The following FAM149A variants were observed in gnomAD, a reference collection of about 807,000 sequenced individuals.
The protein encoded by FAM149A is family with sequence similarity 149 member A, also known as protein FAM149A.
A neutral mutation model predicts 78.2 loss-of-function variants in FAM149A; 71 were observed. The ratio of observed to expected loss-of-function variants is 0.91; its 90% CI spans 0.75 to 1.11. FAM149A has a LOEUF of 1.11. Among genes scored for constraint, FAM149A ranks in the 50% least tolerant of loss-of-function variants. FAM149A has a pLI of 0.00. For missense variants in FAM149A, 1,036 were observed against 971.0 expected, an observed-to-expected ratio of 1.07 and a Z score of -0.89; for synonymous variants, 446 against 410.5, an observed-to-expected ratio of 1.09 and a Z score of -1.04.
Position 186,118,779 on chromosome 4 carries a change from C to T in FAM149A, c.566+13137C>T, listed in dbSNP as rs915915437. ...TGGAGTTGAGGGTGTGCCCGGTTCA[C>T]GGTGTCTTTGAGCGCTGCGGTCATC... On this transcript the variant is annotated intron_variant, in intron 1 of 13. Coordinates refer to ENST00000389354, the MANE Select transcript of FAM149A (RefSeq NM_001367768.3). Among the ~76,000 whole-genome samples, 5 of 152,182 alleles carry T rather than the reference C, an allele frequency of 3.3e-5. No homozygotes were observed. The South Asian group carries it at 6.2e-4, about 19-fold the overall frequency.
At chr4:186,130,547 T>C (rs1032222977) in intron 1 of FAM149A, among the ~76,000 whole-genome samples, 30 of 150,840 alleles carry the variant, frequency 2.0e-4, no homozygotes, top group African/African-American at 6.8e-4. Flanking sequence ...TCTGTAGATA[T>C]GGGGTTTTGC....
chr4:186,165,411 G>A lies in FAM149A; in HGVS notation c.1957G>A (p.Val653Ile). ...GTCACGGAGCAGGTTCCCCCCGCTAGTCACGGAGACCAGGGGGCAGAATAC... is the reference window on the plus strand; with the variant it reads ...GTCACGGAGCAGGTTCCCCCCGCTAATCACGGAGACCAGGGGGCAGAATAC... The change falls in exon 11 of 14, where the codon GTC (valine) becomes ATC (isoleucine). Residue 653 changes from valine (V) to isoleucine (I), a missense_variant. Val to Ile is a conservative substitution (Grantham distance 29, BLOSUM62 3). Coordinates refer to ENST00000389354, the MANE Select transcript of FAM149A (RefSeq NM_001367768.3). The A allele has an allele frequency of 6.2e-7, 1 of 1,614,176 alleles. No homozygotes were observed. Among genetic ancestry groups the A allele is most frequent in the Non-Finnish European group, 8.5e-7 (1 of 1,179,986 alleles).
In FAM149A at chr4:186,165,400, TC is replaced by T; in HGVS notation, c.1952del (p.Pro651ArgfsTer2). 1.2e-6 allele frequency: 2 copies of T among 1,614,020 alleles called. No individual in the cohort carries two copies. The highest frequency in any genetic ancestry group is 1.7e-6 in the Non-Finnish European group (2 of 1,179,906). ...CTGGTTCAAACGTCACGGAGCAGGTTCCCCCCGCTAGTCACGGAGACCAGGG... is the reference window on the plus strand; with the variant it reads ...CTGGTTCAAACGTCACGGAGCAGGTTCCCCCGCTAGTCACGGAGACCAGGG... On this transcript the variant is annotated frameshift_variant, in exon 11 of 14. Transcript: ENST00000389354. LOFTEE classifies it high-confidence loss of function.
Position 186,164,155 on chromosome 4 carries a change from G to C in FAM149A, c.1889+522G>C, listed in dbSNP as rs1166242970. ...CCCTCCAGCTAACTTACCAGTATCG[G>C]CCAATACTTACATTGATAATAATAG... is the stretch of plus-strand genomic sequence containing the variant. On this transcript the variant is annotated intron_variant, in intron 10 of 13. Transcript: ENST00000389354. The surrounding 1 kb of genome is among the most constrained non-coding windows in gnomAD (Gnocchi z 4.0). Among the ~76,000 whole-genome samples, 1 of 152,108 alleles carries C rather than the reference G, an allele frequency of 6.6e-6. No individual in the cohort carries two copies. Among genetic ancestry groups the C allele is most frequent in the Non-Finnish European group, 1.5e-5 (1 of 68,030 alleles).
intron 1 of FAM149A, among the ~76,000 whole-genome samples, chr4:186,136,976 TTCTCTCTCTC>T (rs70964917): frequency 1.9e-4 from 14 of 72,084 alleles, no homozygotes; most frequent in African/African-American, 6.2e-4. Context: ...CTCTCTCTCT[TTCTCTCTCTC>T]TCTCTCTCTC....
intron 8 of FAM149A, chr4:186,158,460 A>G: frequency 9.7e-6 from 11 of 1,134,700 alleles, no homozygotes; most frequent in Non-Finnish European, 1.2e-5. Flanking sequence ...AGGAACACCC[A>G]TGGGAGTCCA....
chr4:186,109,321 T>TTC (rs1410933406), intron 1 of FAM149A: 1 of 682,806 alleles, frequency 1.5e-6, no homozygotes, highest in Admixed American at 6.3e-5. Flanking sequence ...CTTTTTTTTT[T>TTC]TGAGTGATTG....
intron 8 of FAM149A, among the ~76,000 whole-genome samples, chr4:186,160,476 A>G (rs1734492746): frequency 6.7e-6 from 1 of 148,974 alleles, no homozygotes. Context: ...CATACACCAC[A>G]CACACACCAC....
chr4:186,138,160 A>G (rs1414260264), intron 1 of FAM149A, among the ~76,000 whole-genome samples: 2 of 152,184 alleles, frequency 1.3e-5, no homozygotes, highest in African/African-American at 4.8e-5. Context: ...ACCATTAACT[A>G]AACTCCACAT....
chr4:186,147,951 A>G (rs1733186844), intron 1 of FAM149A, among the ~76,000 whole-genome samples: 1 of 152,306 alleles, frequency 6.6e-6, no homozygotes, highest in South Asian at 2.1e-4. Context: ...ATATAATTCT[A>G]TTATTCTCTC....
chr4:186,128,937 A>G (rs1194721617), intron 1 of FAM149A, among the ~76,000 whole-genome samples: 2 of 149,492 alleles, frequency 1.3e-5, no homozygotes, highest in Non-Finnish European at 1.5e-5. Context: ...GTGTGTGTGC[A>G]TCTCTGTGTC....
intron 1 of FAM149A, among the ~76,000 whole-genome samples, chr4:186,136,417 C>G (rs1372876306): frequency 2.6e-5 from 4 of 152,086 alleles, no homozygotes; most frequent in African/African-American, 9.7e-5. Context: ...TTCTGTTTCT[C>G]TGGTTCAAAG....
intron 9 of FAM149A, among the ~76,000 whole-genome samples, 188 bp downstream of exon 9, chr4:186,163,136 G>A (rs906273444): frequency 6.6e-6 from 1 of 152,184 alleles, no homozygotes; most frequent in Non-Finnish European, 1.5e-5. Context: ...TTACTATCGT[G>A]TATTTGGTAG....
chr4:186,166,986 C>T lies in FAM149A; in HGVS notation c.2029C>T (p.Gln677Ter), dbSNP rs1283821146. 4 of 1,613,960 alleles carry T rather than the reference C, an allele frequency of 2.5e-6. No homozygotes were observed. Among genetic ancestry groups the T allele is most frequent in the East Asian group, 4.5e-5 (2 of 44,872 alleles). ...CATTTAGTACAGAGGAAGGCATCTACAAAACCGTGTGTTGAGTGCCATGCC... is the reference window on the plus strand; with the variant it reads ...CATTTAGTACAGAGGAAGGCATCTATAAAACCGTGTGTTGAGTGCCATGCC... Residue 677 changes from glutamine (Q) to a stop codon, truncating the protein, a stop_gained, in exon 12 of 14, where the codon CAA becomes TAA. Coordinates refer to ENST00000389354, the MANE Select transcript of FAM149A (RefSeq NM_001367768.3). LOFTEE classifies it high-confidence loss of function.
At position 186,110,385 on chromosome 4, in the gene FAM149A, G is replaced by A. The variant is rs556189607; in HGVS notation, c.566+4743G>A. 6.9e-5 allele frequency: 59 copies of A among 849,878 alleles called. No individual in the cohort carries two copies. In the East Asian group the frequency reaches 6.9e-3, roughly 99 times the overall value. 52.6% of individuals were successfully genotyped at this position (849,878 alleles called of 1,614,324 possible). ...CTCAGTGTACAATTGTCATATAAGC[G>A]TTACTTTCTTTTTTTTTTTTTATTA... On this transcript the variant is annotated intron_variant, in intron 1 of 13. Transcript: ENST00000389354.
intron 11 of FAM149A, 51 bp downstream of exon 11, chr4:186,165,515 AAAAC>A (rs763187737): frequency 1.3e-4 from 199 of 1,584,216 alleles, no homozygotes; most frequent in Middle Eastern, 5.0e-4. Context: ...TCTGTATTGG[AAAAC>A]AAACAAAAAC....
chr4:186,167,358 T>G (rs752540339), intron 13 of FAM149A, 96 bp downstream of exon 13: 2 of 1,210,992 alleles, frequency 1.7e-6, no homozygotes, highest in Non-Finnish European at 2.5e-6. Flanking sequence ...GATAAGCCTA[T>G]TTTGCTGTAG....
chr4:186,158,590 A>G, intron 8 of FAM149A: 1 of 232,682 alleles, frequency 4.3e-6, no homozygotes, highest in South Asian at 1.3e-4. Context: ...GTGCCTGCTG[A>G]GCATTGCCGC....
At chr4:186,161,338 G>A (rs1395349297) in intron 8 of FAM149A, among the ~76,000 whole-genome samples, 2 of 152,168 alleles carry the variant, frequency 1.3e-5, no homozygotes, top group Non-Finnish European at 2.9e-5. Flanking sequence ...ATCTTTGTGA[G>A]ACTGAAGGGA....
Sources: gnomAD v4.1 joint callset for allele counts (sites outside exome capture counted in the v4.1 genomes callset) on GRCh38, gnomAD v4.1.1 for gene constraint, Gnocchi (gnomAD v3.1) non-coding constraint, MANE v1.5 for transcripts, NCBI Gene and HGNC (gene_info 2026-07-23, HGNC 2026-07-21) for gene names.